Variants in VAV3 observed in about 807,000 individuals in gnomAD.
VAV3 encodes the protein vav guanine nucleotide exchange factor 3, also known as guanine nucleotide exchange factor VAV3.
VAV3 carries 94 observed loss-of-function variants against 131.2 expected under a neutral mutation model. The ratio of observed to expected loss-of-function variants is 0.72; its 90% CI spans 0.61 to 0.85. The LOEUF (loss-of-function observed/expected upper bound fraction) is 0.85, where lower values mean the gene tolerates loss of function less well. Ranked by LOEUF, VAV3 falls within the 40% of genes least tolerant of loss-of-function variation. The probability of loss-of-function intolerance (pLI) is 0.00; values close to 1 mark genes in which losing one functional copy is unlikely to be tolerated. For synonymous variants in VAV3, 349 were observed against 342.0 expected, an observed-to-expected ratio of 1.02 and a Z score of -0.22; for missense variants, 939 against 1,002.7, an observed-to-expected ratio of 0.94 and a Z score of 0.86.
chr1:107,609,854 T>C (rs1283201998), intron 22 of VAV3, 77 bp downstream of exon 22: 2 of 1,410,508 alleles, frequency 1.4e-6, no homozygotes, highest in East Asian at 2.3e-5. Context: ...TATGGTTTAC[T>C]ACCCCCACAT....
chr1:107,767,911 T>G (rs1570924174), intron 7 of VAV3, among the ~76,000 whole-genome samples: 1 of 152,212 alleles, frequency 6.6e-6, no homozygotes, highest in South Asian at 2.1e-4. Context: ...AAATATCTCC[T>G]CAAATTTTAC....
chr1:107,742,904 T>C (rs1181379973), intron 15 of VAV3, among the ~76,000 whole-genome samples: 9 of 152,090 alleles, frequency 5.9e-5, no homozygotes, highest in Non-Finnish European at 2.9e-5. Context: ...TCACTTAGCA[T>C]AGGGGTCAGG....
intron 2 of VAV3, among the ~76,000 whole-genome samples, chr1:107,844,267 G>A (rs898089450): frequency 2.0e-5 from 3 of 152,072 alleles, no homozygotes; most frequent in Non-Finnish European, 2.9e-5. Context: ...ACTGTGCCAC[G>A]AGGGACGGTG....
intron 17 of VAV3, among the ~76,000 whole-genome samples, chr1:107,689,977 A>C (rs1659317312): frequency 6.6e-6 from 1 of 152,096 alleles, no homozygotes; most frequent in South Asian, 2.1e-4. Flanking sequence ...TAGAGCCTGA[A>C]CTGAGAGTCA....
At chr1:107,693,813 G>GCTA (rs1222241990) in intron 17 of VAV3, among the ~76,000 whole-genome samples, 3 of 152,138 alleles carry the variant, frequency 2.0e-5, no homozygotes, top group African/African-American at 7.2e-5. Flanking sequence ...ATCTAACAGG[G>GCTA]GTAGAGACAG....
chr1:107,674,120 A>T (rs1320584823), intron 19 of VAV3, among the ~76,000 whole-genome samples: 1 of 152,248 alleles, frequency 6.6e-6, no homozygotes, highest in Non-Finnish European at 1.5e-5. Flanking sequence ...TTTAAAAACT[A>T]TATATTGATT....
At chr1:107,859,975 AT>A (rs1375022512) in intron 2 of VAV3, among the ~76,000 whole-genome samples, 2 of 152,226 alleles carry the variant, frequency 1.3e-5, no homozygotes, top group Non-Finnish European at 2.9e-5. Context: ...ATATAGAAAA[AT>A]ATCCTTATTT....
chr1:107,691,304 G>A (rs1250981398), intron 17 of VAV3, among the ~76,000 whole-genome samples: 1 of 152,130 alleles, frequency 6.6e-6, no homozygotes, highest in African/African-American at 2.4e-5. Context: ...TTTGTATGGA[G>A]TATTCTATGG....
intron 20 of VAV3, among the ~76,000 whole-genome samples, chr1:107,621,457 T>C (rs1407625413): frequency 6.6e-6 from 1 of 152,084 alleles, no homozygotes; most frequent in Non-Finnish European, 1.5e-5. Flanking sequence ...GTGTGTGGGA[T>C]GTACGTTGGT....
chr1:107,586,139 GTTTT>G (rs61276973), intron 25 of VAV3, among the ~76,000 whole-genome samples: 7,796 of 145,802 alleles, frequency 0.053, 224 homozygotes, highest in Middle Eastern at 0.097. Context: ...CCTTGGCATA[GTTTT>G]TTTTTTTTTT....
chr1:107,804,181 C>CT (rs1204596054), intron 2 of VAV3, among the ~76,000 whole-genome samples: 3 of 152,094 alleles, frequency 2.0e-5, no homozygotes, highest in African/African-American at 7.2e-5. Flanking sequence ...GGTCTTGTTT[C>CT]TTTATGTATT....
intron 1 of VAV3, among the ~76,000 whole-genome samples, chr1:107,885,250 G>A (rs926088656): frequency 1.1e-4 from 7 of 63,250 alleles, no homozygotes; most frequent in African/African-American, 2.0e-4. Flanking sequence ...TAAGTCTGTC[G>A]CTTTTATTTT....
At chr1:107,820,108 T>C (rs1192586645) in intron 2 of VAV3, among the ~76,000 whole-genome samples, 2 of 152,112 alleles carry the variant, frequency 1.3e-5, no homozygotes, top group Non-Finnish European at 2.9e-5. Flanking sequence ...CACTGCTAGG[T>C]ATATACCCCA....
intron 20 of VAV3, among the ~76,000 whole-genome samples, chr1:107,625,077 T>C (rs546746178): frequency 6.6e-6 from 1 of 152,072 alleles, no homozygotes; most frequent in South Asian, 2.1e-4. Context: ...TCCTCACCTG[T>C]GAAACACAGA....
intron 2 of VAV3, chr1:107,820,824 A>T (rs1161869931): frequency 6.6e-6 from 1 of 152,134 alleles, no homozygotes; most frequent in Non-Finnish European, 1.5e-5. Context: ...AAGTCTTTCC[A>T]ATCCATATAC....
intron 2 of VAV3, among the ~76,000 whole-genome samples, chr1:107,817,172 A>G (rs776678914): frequency 1.4e-4 from 21 of 152,246 alleles, no homozygotes; most frequent in Non-Finnish European, 2.5e-4. Flanking sequence ...GATAGTAGGC[A>G]GACAAAAAAT....
At chr1:107,751,013 T>C in intron 13 of VAV3, 104 bp downstream of exon 13, 1 of 1,116,464 alleles carries the variant, frequency 9.0e-7, no homozygotes, top group South Asian at 1.4e-5. Flanking sequence ...CTTGTATTTC[T>C]TCCTTTTTTC....
Position 107,815,324 on chromosome 1 carries a change from G to T in VAV3, c.322-35832C>A, listed in dbSNP as rs144001454. On this transcript the variant is annotated intron_variant, in intron 2 of 26. Coordinates refer to ENST00000370056, the MANE Select transcript of VAV3 (RefSeq NM_006113.5). Reference sequence around the variant, plus strand: ...CCAGACTAACTTGGGAGTTAGTGAGGGGAAAGGGATGTAGACACATTGTCA... The same window carrying T: ...CCAGACTAACTTGGGAGTTAGTGAGTGGAAAGGGATGTAGACACATTGTCA... Among the ~76,000 whole-genome samples the T allele has an allele frequency of 2.0e-5, 3 of 152,284 alleles. No homozygotes were observed. The East Asian group carries it at 5.8e-4, about 29-fold the overall frequency.
At chr1:107,647,995 G>A (rs1393961265) in intron 19 of VAV3, among the ~76,000 whole-genome samples, 1 of 151,996 alleles carries the variant, frequency 6.6e-6, no homozygotes, top group Non-Finnish European at 1.5e-5. Context: ...GGTCTTCAGA[G>A]AGGAGTAAAA....
Sources: allele counts gnomAD v4.1 joint callset (sites outside exome capture counted in the v4.1 genomes callset), GRCh38; gene constraint gnomAD v4.1.1; transcripts MANE v1.5; gene names NCBI Gene and HGNC (gene_info 2026-07-23, HGNC 2026-07-21).